Variants in WDFY3 observed in about 807,000 individuals in gnomAD.
WDFY3 encodes the protein WD repeat and FYVE domain-containing protein 3.
Under a neutral mutation model 409.6 loss-of-function variants are expected in WDFY3, and 66 were observed. That is an observed-to-expected ratio of 0.16 (90% CI 0.13 to 0.20). The LOEUF (loss-of-function observed/expected upper bound fraction) is 0.20, where lower values mean the gene tolerates loss of function less well. WDFY3 is among the 10% of genes least tolerant of loss of function. The pLI is 1.00. For synonymous variants in WDFY3, 1,521 were observed against 1,537.1 expected (o/e 0.99, Z 0.25); for missense variants, 3,031 against 4,298.1 (o/e 0.71, Z 8.24).
Position 84,814,773 on chromosome 4 carries a change from T to C in WDFY3, c.1887+2619A>G, listed in dbSNP as rs1753029641. ...TTATTGGTTATTGTTGTTAATCTCT[T>C]ACTGTGCCTAATTTATAAATTAAAT... On this transcript the variant is annotated intron_variant, in intron 13 of 67. Transcript: ENST00000295888. Among the ~76,000 whole-genome samples, 6 of 152,270 alleles carry C rather than the reference T, an allele frequency of 3.9e-5. No homozygotes were observed. In the South Asian group the frequency reaches 1.2e-3, roughly 32 times the overall value.
chr4:84,738,678 T>C (rs1173615804), intron 40 of WDFY3, among the ~76,000 whole-genome samples: 1 of 152,026 alleles, frequency 6.6e-6, no homozygotes, highest in Non-Finnish European at 1.5e-5. Flanking sequence ...CAAGCAATAT[T>C]AGCCTACTCT....
chr4:84,713,332 T>C, intron 50 of WDFY3, 93 bp from the exon 51 acceptor site: 11 of 1,163,168 alleles, frequency 9.5e-6, no homozygotes, highest in South Asian at 8.7e-5. Context: ...TAGATTTTCA[T>C]AGTTGCGTCT....
At chr4:84,692,839 A>T in intron 59 of WDFY3, 46 bp downstream of exon 59, 1 of 1,538,644 alleles carries the variant, frequency 6.5e-7, no homozygotes. Flanking sequence ...GATTATTAAC[A>T]ATCCCATTAA....
chr4:84,700,031 C>T (rs545064927), intron 56 of WDFY3, among the ~76,000 whole-genome samples: 1 of 150,826 alleles, frequency 6.6e-6, no homozygotes, highest in East Asian at 1.9e-4. Flanking sequence ...TGGTAACATT[C>T]TTGGATGCAG....
intron 17 of WDFY3, among the ~76,000 whole-genome samples, chr4:84,801,174 AT>A (rs1310924298): frequency 6.6e-6 from 1 of 152,328 alleles, no homozygotes; most frequent in East Asian, 1.9e-4. Flanking sequence ...GTGCACATGA[AT>A]ACATCATACC....
chr4:84,876,193 T>C (rs562363197), intron 3 of WDFY3, among the ~76,000 whole-genome samples: 1 of 152,202 alleles, frequency 6.6e-6, no homozygotes. Context: ...CATCACTAGG[T>C]GACAAGAATT....
intron 26 of WDFY3, 116 bp from the exon 27 acceptor site, chr4:84,778,771 A>G (rs1746003418): frequency 1.1e-6 from 1 of 923,642 alleles, no homozygotes; most frequent in Admixed American, 3.2e-5. Flanking sequence ...ACACACACAT[A>G]CACACAGAAT....
chr4:84,715,108 A>G (rs1733634213), intron 50 of WDFY3, among the ~76,000 whole-genome samples, 190 bp downstream of exon 50: 1 of 152,184 alleles, frequency 6.6e-6, no homozygotes, highest in Non-Finnish European at 1.5e-5. Flanking sequence ...GGTATGTCAC[A>G]ATAGAATTGC....
chr4:84,886,348 G>A (rs1764219691), intron 3 of WDFY3: 1 of 151,370 alleles, frequency 6.6e-6, no homozygotes, highest in Admixed American at 6.6e-5. Context: ...AGTCTCAAGT[G>A]AACCACATTT....
intron 57 of WDFY3, 85 bp downstream of exon 57, chr4:84,696,647 G>C (rs1416280994): frequency 1.5e-6 from 2 of 1,344,412 alleles, no homozygotes; most frequent in Non-Finnish European, 2.1e-6. Flanking sequence ...CAAACAGGTG[G>C]TACTCTGGCT....
At chr4:84,916,247 G>A (rs560576545) in intron 2 of WDFY3, among the ~76,000 whole-genome samples, 1 of 152,136 alleles carries the variant, frequency 6.6e-6, no homozygotes, top group East Asian at 1.9e-4. Context: ...CACAAGAGAT[G>A]GGCAGAGAAA....
chr4:84,862,803 C>T (rs753943599), intron 3 of WDFY3, among the ~76,000 whole-genome samples: 37 of 152,172 alleles, frequency 2.4e-4, no homozygotes, highest in Non-Finnish European at 3.4e-4. Context: ...CTGGCTAACA[C>T]GGTGAAACCC....
chr4:84,873,245 T>C (rs940310919), intron 3 of WDFY3, among the ~76,000 whole-genome samples: 1 of 152,156 alleles, frequency 6.6e-6, no homozygotes, highest in Admixed American at 6.5e-5. Context: ...CAAATTCACG[T>C]GAAACATTCA....
chr4:84,892,097 T>C (rs1056130895), intron 3 of WDFY3, among the ~76,000 whole-genome samples: 1 of 151,434 alleles, frequency 6.6e-6, no homozygotes, highest in Non-Finnish European at 1.5e-5. Context: ...TGATATCTAA[T>C]ACTTTTCAAC....
At chr4:84,841,094 C>T in intron 6 of WDFY3, 60 bp downstream of exon 6, 1 of 1,294,558 alleles carries the variant, frequency 7.7e-7, no homozygotes, top group South Asian at 1.3e-5. Flanking sequence ...ATAATAAAAT[C>T]ACAAGAGAGG....
At chr4:84,907,986 A>G (rs1362451520) in intron 2 of WDFY3, among the ~76,000 whole-genome samples, 1 of 152,114 alleles carries the variant, frequency 6.6e-6, no homozygotes, top group Admixed American at 6.6e-5. Flanking sequence ...GTAGGTATGC[A>G]TATCTACATG....
chr4:84,786,243 T>TA, intron 23 of WDFY3, 104 bp from the exon 24 acceptor site: 1 of 1,112,198 alleles, frequency 9.0e-7, no homozygotes, highest in East Asian at 2.7e-5. Flanking sequence ...TTGAAAGTCT[T>TA]AAAGTAGAAT....
At chr4:84,889,201 T>A (rs893396225) in intron 3 of WDFY3, among the ~76,000 whole-genome samples, 3 of 152,160 alleles carry the variant, frequency 2.0e-5, no homozygotes, top group African/African-American at 7.2e-5. Context: ...AAGAGCAAAT[T>A]TTTATTCCCT....
intron 3 of WDFY3, among the ~76,000 whole-genome samples, chr4:84,861,152 A>C (rs1578860477): frequency 1.3e-5 from 2 of 152,224 alleles, no homozygotes; most frequent in East Asian, 3.9e-4. Flanking sequence ...TTAAGGCTGC[A>C]GTGAGCCAAG....
Sources: gnomAD v4.1 joint callset for allele counts (sites outside exome capture counted in the v4.1 genomes callset) on GRCh38, gnomAD v4.1.1 for gene constraint, MANE v1.5 for transcripts, NCBI Gene and HGNC (gene_info 2026-07-23, HGNC 2026-07-21) for gene names.